Variants in DNAAF11 observed in about 807,000 individuals in gnomAD.
DNAAF11 encodes dynein axonemal assembly factor 11.
A neutral mutation model predicts 60.8 loss-of-function variants in DNAAF11; 45 were observed. That is an observed-to-expected ratio of 0.74 (90% CI 0.58 to 0.95). The LOEUF (loss-of-function observed/expected upper bound fraction) is 0.95. DNAAF11 is among the 40% of genes least tolerant of loss of function. DNAAF11 has a pLI of 0.00. For missense variants in DNAAF11, 546 were observed against 546.2 expected, an observed-to-expected ratio of 1.00 and a Z score of 0.00; for synonymous variants, 191 against 183.5, an observed-to-expected ratio of 1.04 and a Z score of -0.33.
intron 4 of DNAAF11, among the ~76,000 whole-genome samples, chr8:132,633,659 G>A (rs1203655185): frequency 6.6e-6 from 1 of 152,132 alleles, no homozygotes; most frequent in African/African-American, 2.4e-5. Flanking sequence ...CATGGCAAAA[G>A]GGGCTTTACA....
At chr8:132,578,961 A>G (rs1220007013) in intron 11 of DNAAF11, among the ~76,000 whole-genome samples, 1 of 152,236 alleles carries the variant, frequency 6.6e-6, no homozygotes, top group Non-Finnish European at 1.5e-5. Flanking sequence ...GCAGTGCCAA[A>G]GAGCTTCTCT....
chr8:132,656,726 C>A, intron 3 of DNAAF11, 104 bp downstream of exon 3: 1 of 552,332 alleles, frequency 1.8e-6, no homozygotes, highest in Non-Finnish European at 3.3e-6. Flanking sequence ...CCCGCCTTGG[C>A]CTCCCAAAGT....
At chr8:132,702,854 C>G in the DNAAF11 span, among the ~76,000 whole-genome samples, 1 of 152,024 alleles carries the variant, frequency 6.6e-6, no homozygotes. Flanking sequence ...TGCTATACTG[C>G]GATGCTACTC....
intron 3 of DNAAF11, among the ~76,000 whole-genome samples, chr8:132,649,023 C>T (rs1437227480): frequency 1.3e-5 from 2 of 151,142 alleles, no homozygotes; most frequent in Non-Finnish European, 3.0e-5. Flanking sequence ...TTTTATGGAA[C>T]TTTTTTATGG....
chr8:132,625,272 C>G lies in DNAAF11; in HGVS notation c.836G>C (p.Ser279Thr). 1 of 1,595,354 alleles carries G rather than the reference C, an allele frequency of 6.3e-7. No homozygotes were observed. Among genetic ancestry groups the G allele is most frequent in the Non-Finnish European group, 8.5e-7 (1 of 1,171,650 alleles). The part of the protein sequence containing the change: ...EKQRKKQEKL[S>T]EKKKKVKPPR... The stretch of plus-strand genomic sequence containing the variant: ...CCTCTCCTAGGAAAGAATGAAATAC[C>G]TTAATTTTTCCTGTTTCTTCCGTTG... The change falls in exon 6 of 12, where the codon AGT (serine) becomes ACT (threonine). Residue 279 changes from serine (S) to threonine (T), a missense_variant and splice_region_variant. Coordinates refer to ENST00000620350, the MANE Select transcript of DNAAF11 (RefSeq NM_012472.6).
chr8:132,590,202 G>A (rs1388030200), intron 10 of DNAAF11, among the ~76,000 whole-genome samples: 2 of 152,202 alleles, frequency 1.3e-5, no homozygotes, highest in Non-Finnish European at 2.9e-5. Flanking sequence ...GCCAATGGGA[G>A]GCAATGGAGG....
chr8:132,677,399 G>A (rs1164392967), upstream of DNAAF11, among the ~76,000 whole-genome samples: 1 of 151,898 alleles, frequency 6.6e-6, no homozygotes, highest in Admixed American at 6.6e-5. Flanking sequence ...TCTAGCCTAG[G>A]TGACACAAAG....
intron 10 of DNAAF11, among the ~76,000 whole-genome samples, chr8:132,600,391 A>T (rs1817485601): frequency 6.6e-6 from 1 of 152,296 alleles, no homozygotes; most frequent in Admixed American, 6.5e-5. Context: ...CAAGCTACCA[A>T]TGACTTTCTT....
intron 10 of DNAAF11, among the ~76,000 whole-genome samples, chr8:132,595,808 T>C (rs1335316233): frequency 6.6e-6 from 1 of 152,172 alleles, no homozygotes; most frequent in Non-Finnish European, 1.5e-5. Flanking sequence ...GGCTTCTCTA[T>C]GGAGAAAGTA....
At chr8:132,672,775 G>A (rs572929038) in intron 1 of DNAAF11, among the ~76,000 whole-genome samples, 263 of 152,286 alleles carry the variant, frequency 1.7e-3, no homozygotes, top group African/African-American at 6.2e-3. Flanking sequence ...TTTAGTTGAA[G>A]GAGGTTGAGA....
In DNAAF11 at chr8:132,620,321, G is replaced by A. The variant is rs933179997; in HGVS notation, c.914+2290C>T. 3.3e-5 allele frequency among the ~76,000 whole-genome samples: 5 copies of A among 152,186 alleles called. No homozygotes were observed. In the East Asian group the frequency reaches 7.7e-4, roughly 24 times the overall value. ...AAGAAAGCTGAAGACAAACGACAAGGACTGATTTCATTTTTCTTTTCCTTT... is the reference window on the plus strand; with the variant it reads ...AAGAAAGCTGAAGACAAACGACAAGAACTGATTTCATTTTTCTTTTCCTTT... On this transcript the variant is annotated intron_variant, in intron 7 of 11. Coordinates refer to ENST00000620350, the MANE Select transcript of DNAAF11 (RefSeq NM_012472.6).
intron 10 of DNAAF11, among the ~76,000 whole-genome samples, chr8:132,608,057 C>T (rs1818296643): frequency 6.6e-6 from 1 of 152,070 alleles, no homozygotes; most frequent in Admixed American, 6.5e-5. Context: ...TGTTAACTTT[C>T]AGAAATATAC....
intron 9 of DNAAF11, among the ~76,000 whole-genome samples, chr8:132,610,530 C>T (rs894338993): frequency 2.6e-5 from 4 of 152,122 alleles, no homozygotes; most frequent in African/African-American, 7.2e-5. Context: ...GTCAAAAAAC[C>T]ATCAACATTA....
At chr8:132,634,082 A>C (rs1421686044) in intron 4 of DNAAF11, among the ~76,000 whole-genome samples, 4 of 152,190 alleles carry the variant, frequency 2.6e-5, no homozygotes, top group African/African-American at 9.6e-5. Flanking sequence ...GTCAAATATA[A>C]ATTAAAAAAT....
intron 10 of DNAAF11, among the ~76,000 whole-genome samples, chr8:132,593,328 C>CATATATATATATAT (rs1160460984): frequency 9.0e-4 from 61 of 67,534 alleles, no homozygotes; most frequent in South Asian, 5.9e-3. Flanking sequence ...AGAATATATA[C>CATATATATATATAT]ATACATATAT....
chr8:132,620,411 T>C (rs1204253098), intron 7 of DNAAF11, among the ~76,000 whole-genome samples: 2 of 152,204 alleles, frequency 1.3e-5, no homozygotes, highest in African/African-American at 4.8e-5. Context: ...CTCGGCTCAC[T>C]GCAACCTCTG....
chr8:132,593,225 G>C (rs1404367485), intron 10 of DNAAF11, among the ~76,000 whole-genome samples: 2 of 150,966 alleles, frequency 1.3e-5, no homozygotes, highest in African/African-American at 4.9e-5. Context: ...ATCAAGTAAA[G>C]TAAGTGTTCC....
the DNAAF11 span, among the ~76,000 whole-genome samples, chr8:132,689,685 G>A: frequency 6.7e-6 from 1 of 150,316 alleles, no homozygotes; most frequent in African/African-American, 2.5e-5. Flanking sequence ...ATATATGTGT[G>A]TGTGTATGTA....
At chr8:132,623,331 G>A (rs982570878) in intron 6 of DNAAF11, among the ~76,000 whole-genome samples, 2 of 151,778 alleles carry the variant, frequency 1.3e-5, no homozygotes, top group Admixed American at 6.6e-5. Context: ...TGTATTTAGT[G>A]AGAAAAAATA....
Sources: allele counts gnomAD v4.1 joint callset (sites outside exome capture counted in the v4.1 genomes callset), GRCh38; gene constraint gnomAD v4.1.1; transcripts MANE v1.5; gene names NCBI Gene and HGNC (gene_info 2026-07-23, HGNC 2026-07-21).